Variants in ZNF709 observed in about 807,000 individuals in gnomAD.
The protein encoded by ZNF709 is zinc finger protein 709.
In ZNF709, 15 loss-of-function variants were observed where a neutral mutation model predicts 10.6. The observed-to-expected ratio is 1.41, with a 90% CI of 0.95 to 2.18. The LOEUF is 2.18. ZNF709 is among the 30% of genes most tolerant of loss of function. The pLI is 0.00. For missense variants in ZNF709, 589 were observed against 774.0 expected (o/e 0.76, Z 2.84); for synonymous variants, 194 against 238.8 (o/e 0.81, Z 1.73).
intron 1 of ZNF709, among the ~76,000 whole-genome samples, chr19:12,483,745 G>T (rs1362149187): frequency 6.6e-6 from 1 of 152,084 alleles, no homozygotes; most frequent in Non-Finnish European, 1.5e-5. Flanking sequence ...CGCCATGTTG[G>T]CTGGGCTGTA....
At chr19:12,482,461 T>C (rs1047345976) in intron 1 of ZNF709, among the ~76,000 whole-genome samples, 1 of 152,026 alleles carries the variant, frequency 6.6e-6, no homozygotes, top group South Asian at 2.1e-4. Context: ...CCTTCAATTG[T>C]TGTAAGTGAG....
Position 12,461,484 on chromosome 19 carries a change from C to A in ZNF709, c.*2512G>T, listed in dbSNP as rs1443627078. The stretch of plus-strand genomic sequence containing the variant: ...TTCCCTGCACAGTGCAGTGGAGAAG[C>A]AGACACCCATGTAGTTCTTTTTGAC... On this transcript the variant is annotated 3_prime_UTR_variant, in exon 4 of 4. Coordinates refer to ENST00000397732, the MANE Select transcript of ZNF709 (RefSeq NM_152601.4). 6.6e-6 allele frequency: 1 copy of A among 152,058 alleles called. No homozygotes were observed. Among genetic ancestry groups the A allele is most frequent in the Non-Finnish European group, 1.5e-5 (1 of 68,024 alleles). The allele number at this position is 152,058 out of a possible 1,614,324, so 9.4% of individuals were successfully genotyped here.
chr19:12,463,926 CAAAA>C lies in ZNF709; in HGVS notation c.*66_*69del, dbSNP rs60000717. 0.05 allele frequency: 44,686 copies of C among 898,142 alleles called. 6 individuals carry two copies. Among genetic ancestry groups the C allele is most frequent in the South Asian group, 0.093 (2,619 of 28,198 alleles). The allele number at this position is 898,142 out of a possible 1,614,324, so 55.6% of individuals were successfully genotyped here. A position where few individuals can be genotyped will look rare whatever the true frequency, so the allele number is the denominator to read the frequency against. ...AGGGCAACAGAGTGAGAATTCAACT[CAAAA>C]AAAAAAAAAAAAAAAAAGGAAATAG... On this transcript the variant is annotated 3_prime_UTR_variant, in exon 4 of 4. Transcript: ENST00000397732.
In ZNF709 at chr19:12,464,705, G is replaced by T; in HGVS notation, c.1217C>A (p.Ser406Tyr). ...GTGAGTTCTTTCATGCATTCGAAAG[G>T]AACTGGAACAACTGAAGGCTTTACC... ...QCGKAFSCSS[S>Y]FRMHERTHTG... is the part of the protein sequence containing the mutation. The change falls in exon 4 of 4, where the codon TCC (serine) becomes TAC (tyrosine). Residue 406 changes from serine to tyrosine, a missense_variant. Ser to Tyr is a moderately radical substitution (Grantham distance 144). Around this residue, in one of 2 missense-constraint regions of ZNF709, gnomAD observed 418 missense variants for 496.3 expected, o/e 0.84. Transcript: ENST00000397732. The T allele has an allele frequency of 6.2e-7, 1 of 1,613,936 alleles. No homozygotes were observed. Among genetic ancestry groups the T allele is most frequent in the Non-Finnish European group, 8.5e-7 (1 of 1,179,930 alleles).
chr19:12,479,742 C>T (rs1429578120), intron 1 of ZNF709, among the ~76,000 whole-genome samples: 3 of 151,976 alleles, frequency 2.0e-5, no homozygotes, highest in Admixed American at 6.6e-5. Flanking sequence ...TGGTGGTGCA[C>T]GCATGTAGTC....
intron 1 of ZNF709, among the ~76,000 whole-genome samples, chr19:12,475,755 A>G (rs10416066): frequency 0.75 from 114,675 of 152,132 alleles, 43,555 homozygotes; most frequent in Non-Finnish European, 0.79. Context: ...GATTGGGAAC[A>G]AAGAAATATC....
intron 1 of ZNF709, among the ~76,000 whole-genome samples, chr19:12,467,145 G>T (rs78246989): frequency 6.6e-6 from 1 of 151,958 alleles, no homozygotes; most frequent in Admixed American, 6.6e-5. Context: ...TCTCCCCACG[G>T]TCTCCCTCTC....
intron 1 of ZNF709, among the ~76,000 whole-genome samples, chr19:12,470,567 T>C (rs770690657): frequency 6.6e-6 from 1 of 152,210 alleles, no homozygotes; most frequent in Non-Finnish European, 1.5e-5. Flanking sequence ...CAAACATTTG[T>C]TGTCCTTCAC....
chr19:12,476,225 C>A (rs1227368894), intron 1 of ZNF709, among the ~76,000 whole-genome samples: 1 of 151,992 alleles, frequency 6.6e-6, no homozygotes, highest in African/African-American at 2.4e-5. Flanking sequence ...GACCCCATCT[C>A]TACAAAAAAT....
intron 2 of ZNF709, 67 bp downstream of exon 2, chr19:12,466,657 A>G: frequency 6.2e-7 from 1 of 1,611,230 alleles, no homozygotes; most frequent in Admixed American, 1.7e-5. Flanking sequence ...AAACCTTGGA[A>G]CCTTGCTGAT....
intron 1 of ZNF709, chr19:12,481,095 T>C: frequency 1.1e-6 from 1 of 895,344 alleles, no homozygotes; most frequent in Non-Finnish European, 1.3e-6. Context: ...CTTTTAAATT[T>C]CCAAGTACTC....
In ZNF709 at chr19:12,465,152, CA is replaced by C; in HGVS notation, c.769del (p.Cys257ValfsTer99). The C allele has an allele frequency of 6.2e-7, 1 of 1,612,420 alleles. No individual in the cohort carries two copies. Among genetic ancestry groups the C allele is most frequent in the Non-Finnish European group, 8.5e-7 (1 of 1,179,526 alleles). ...SGEKPYECKQ[C>X]GKAFRYYQTF... ...TTGGTAATATCTGAAAGCTTTTCCA[CA>C]TTGTTTACATTCATAGGGTTTCTCT... On this transcript the variant is annotated frameshift_variant, in exon 4 of 4. Coordinates refer to ENST00000397732, the MANE Select transcript of ZNF709 (RefSeq NM_152601.4). LOFTEE classifies it low-confidence loss of function (END_TRUNC).
rs944518672 is a variant in ZNF709 at position 12,464,387 on chromosome 19, G to C, written c.1535C>G (p.Ala512Gly). 3.1e-6 allele frequency: 5 copies of C among 1,613,262 alleles called. No homozygotes were observed. Among genetic ancestry groups the C allele is most frequent in the East Asian group, 4.5e-5 (2 of 44,884 alleles). The change falls in exon 4 of 4, where the codon GCC becomes GGC. Residue 512 changes from alanine to glycine, a missense_variant. Physicochemically the swap from Ala to Gly is moderately conservative, Grantham distance 60. Around this residue, in one of 2 missense-constraint regions of ZNF709, gnomAD observed 171 missense variants for 277.7 expected, o/e 0.62. Coordinates refer to ENST00000397732, the MANE Select transcript of ZNF709 (RefSeq NM_152601.4). ...KPYECKQCGK[A>G]FSCSSSFRMH... ...TCGAAAGGAACTGGAACAACTGAAG[G>C]CTTTACCACATTGTTTACATTCATA...
At chr19:12,472,808 G>C (rs1056307269) in intron 1 of ZNF709, among the ~76,000 whole-genome samples, 1 of 151,946 alleles carries the variant, frequency 6.6e-6, no homozygotes, top group Admixed American at 6.6e-5. Flanking sequence ...GCTTGAGCAT[G>C]GGAGGTGGAG....
At position 12,464,915 on chromosome 19, in the gene ZNF709, T is replaced by C. The variant is rs778098951; in HGVS notation, c.1007A>G (p.Tyr336Cys). The C allele has an allele frequency of 6.2e-7, 1 of 1,612,844 alleles. No individual in the cohort carries two copies. Among genetic ancestry groups the C allele is most frequent in the Non-Finnish European group, 8.5e-7 (1 of 1,179,530 alleles). ...TGCTTTCCCACATTCCTTACAATCA[T>C]AGGGTTTCTCTCCTGTATGAATTCT... ...HERIHTGEKPYDCKECGKAFI... is the reference protein window; with the variant it reads ...HERIHTGEKPCDCKECGKAFI... Residue 336 changes from tyrosine to cysteine, a missense_variant, in exon 4 of 4, where the codon TAT becomes TGT. By Grantham distance (194) the Tyr-to-Cys change is radical (BLOSUM62 -2). Coordinates refer to ENST00000397732, the MANE Select transcript of ZNF709 (RefSeq NM_152601.4).
At chr19:12,481,150 C>T in intron 1 of ZNF709, 1 of 983,738 alleles carries the variant, frequency 1.0e-6, no homozygotes, top group Non-Finnish European at 1.2e-6. Context: ...GAAAAATGTA[C>T]CTGAGAATGT....
chr19:12,465,087 G>A lies in ZNF709; in HGVS notation c.835C>T (p.Pro279Ser). The stretch of plus-strand genomic sequence containing the variant: ...TTACCACATTGCTTACACTGATAGG[G>A]TTTTTCCCCAGTGTGAGTCCTTTCA... ...IHERTHTGEKPYQCKQCGKAL... is the reference protein window; with the variant it reads ...IHERTHTGEKSYQCKQCGKAL... The change falls in exon 4 of 4, where the codon CCC (proline) becomes TCC (serine). Residue 279 changes from proline (P) to serine (S), a missense_variant. Transcript: ENST00000397732. The A allele has an allele frequency of 6.2e-7, 1 of 1,612,918 alleles. No individual in the cohort carries two copies. The highest frequency in any genetic ancestry group is 1.7e-4 in the Middle Eastern group (1 of 6,048).
At chr19:12,467,696 G>A (rs1401763164) in intron 1 of ZNF709, among the ~76,000 whole-genome samples, 8 of 151,960 alleles carry the variant, frequency 5.3e-5, no homozygotes, top group Non-Finnish European at 1.2e-4. Context: ...AGGAAGTGAG[G>A]AGCGTCTCTG....
intron 1 of ZNF709, among the ~76,000 whole-genome samples, chr19:12,467,897 T>C (rs1399739809): frequency 6.8e-6 from 1 of 147,390 alleles, no homozygotes; most frequent in East Asian, 2.1e-4. Context: ...GTGAGGAGCA[T>C]CTCCGCCCGG....
Sources: gnomAD v4.1 joint callset for allele counts (sites outside exome capture counted in the v4.1 genomes callset) on GRCh38, gnomAD v4.1.1 for gene constraint, gnomAD v4.1.1 regional missense constraint, MANE v1.5 for transcripts, NCBI Gene and HGNC (gene_info 2026-07-23, HGNC 2026-07-21) for gene names.